Variants in NRG3 observed in about 807,000 individuals in gnomAD.
NRG3 encodes the protein neuregulin 3, also known as pro-neuregulin-3, membrane-bound isoform.
A neutral mutation model predicts 66.9 loss-of-function variants in NRG3; 31 were observed. That is an observed-to-expected ratio of 0.46 (90% CI 0.35 to 0.63). The LOEUF is 0.63. Ranked by LOEUF, NRG3 falls within the 20% of genes least tolerant of loss-of-function variation. The pLI, the probability that NRG3 is intolerant of heterozygous loss-of-function variation, is 0.00. For synonymous variants in NRG3, 393 were observed against 359.4 expected, an observed-to-expected ratio of 1.09 and a Z score of -1.06; for missense variants, 910 against 878.9, an observed-to-expected ratio of 1.04 and a Z score of -0.45.
At chr10:82,019,284 G>T (rs2061942423) in intron 1 of NRG3, among the ~76,000 whole-genome samples, 1 of 152,158 alleles carries the variant, frequency 6.6e-6, no homozygotes, top group African/African-American at 2.4e-5. Flanking sequence ...CAGGGATGAA[G>T]CCCACTTGAT....
chr10:81,959,304 T>C (rs1272272938), intron 1 of NRG3, among the ~76,000 whole-genome samples: 1 of 152,166 alleles, frequency 6.6e-6, no homozygotes, highest in Non-Finnish European at 1.5e-5. Flanking sequence ...CCCCCAAGAA[T>C]TCCCAGTCTA....
intron 3 of NRG3, among the ~76,000 whole-genome samples, chr10:82,801,642 A>G (rs2061044495): frequency 6.6e-6 from 1 of 152,232 alleles, no homozygotes. Context: ...GAATGGCAGC[A>G]GAGTCCAATG....
At chr10:81,915,181 C>T (rs1157705808) in intron 1 of NRG3, among the ~76,000 whole-genome samples, 2 of 152,136 alleles carry the variant, frequency 1.3e-5, no homozygotes, top group East Asian at 3.9e-4. Flanking sequence ...TACTGCTCCT[C>T]CCTAAAAAAA....
intron 1 of NRG3, among the ~76,000 whole-genome samples, chr10:82,349,353 G>A (rs559459760): frequency 1.4e-3 from 207 of 151,996 alleles, no homozygotes; most frequent in African/African-American, 4.8e-3. Context: ...CCCTGCTGGG[G>A]GGTGCCTCCC....
rs1183416916 is a variant in NRG3 at position 82,321,307 on chromosome 10, T to TGGG, written c.824-37429_824-37427dup. 2.5e-5 allele frequency among the ~76,000 whole-genome samples: 3 copies of TGGG among 121,228 alleles called. 1 individual carries two copies. Among genetic ancestry groups the TGGG allele is most frequent in the Non-Finnish European group, 5.6e-5 (3 of 53,768 alleles). 79.5% of individuals were successfully genotyped at this position (121,228 alleles called of 152,430 possible). On this transcript the variant is annotated intron_variant, in intron 1 of 8. Coordinates refer to ENST00000372141, the MANE Select transcript of NRG3 (RefSeq NM_001010848.4). ...ACACATCCTGTGGCAGGGGTGGGGG[T>TGGG]GGGGGTCAGGGAACTCTCCTGTTTC... is the stretch of plus-strand genomic sequence containing the variant.
At chr10:82,484,083 T>C (rs1468677881) in intron 2 of NRG3, among the ~76,000 whole-genome samples, 1 of 152,206 alleles carries the variant, frequency 6.6e-6, no homozygotes, top group Non-Finnish European at 1.5e-5. Flanking sequence ...GGCTTATTTG[T>C]TTTGCAATAA....
intron 4 of NRG3, among the ~76,000 whole-genome samples, chr10:82,946,829 T>A (rs890804529): frequency 1.1e-4 from 16 of 152,174 alleles, no homozygotes; most frequent in African/African-American, 3.9e-4. Flanking sequence ...GAATGGTTTA[T>A]GGGAGTATAA....
chr10:82,557,631 G>A (rs1292069524), intron 2 of NRG3, among the ~76,000 whole-genome samples: 1 of 151,994 alleles, frequency 6.6e-6, no homozygotes, highest in Non-Finnish European at 1.5e-5. Flanking sequence ...TCTTAAGTTA[G>A]TTCCCATTTG....
At chr10:82,913,041 C>T (rs955459392) in intron 4 of NRG3, among the ~76,000 whole-genome samples, 4 of 152,122 alleles carry the variant, frequency 2.6e-5, no homozygotes, top group Non-Finnish European at 2.9e-5. Context: ...CTGGCTAACA[C>T]GGTGAAACCC....
At chr10:82,944,798 C>G (rs1293122954) in intron 4 of NRG3, among the ~76,000 whole-genome samples, 1 of 151,992 alleles carries the variant, frequency 6.6e-6, no homozygotes, top group Non-Finnish European at 1.5e-5. Context: ...CATTTGTTCC[C>G]AACATAATTC....
At chr10:82,404,120 C>T (rs1159187261) in intron 2 of NRG3, among the ~76,000 whole-genome samples, 3 of 152,084 alleles carry the variant, frequency 2.0e-5, no homozygotes, top group Admixed American at 2.0e-4. Context: ...TTTATTCTTT[C>T]CAAGTATTTA....
intron 1 of NRG3, among the ~76,000 whole-genome samples, chr10:81,890,112 G>A (rs556563705): frequency 2.0e-5 from 3 of 152,264 alleles, no homozygotes. Flanking sequence ...AAGAGAAAAG[G>A]TCAAGTAGAC....
intron 1 of NRG3, among the ~76,000 whole-genome samples, chr10:81,914,569 AAAACAAAC>A (rs144612678): frequency 0.019 from 2,897 of 151,386 alleles, 77 homozygotes; most frequent in African/African-American, 0.063. Context: ...CCTGTTTCTG[AAAACAAAC>A]AAACAAACAA....
At chr10:82,778,455 A>G (rs1486373715) in intron 3 of NRG3, among the ~76,000 whole-genome samples, 3 of 152,170 alleles carry the variant, frequency 2.0e-5, no homozygotes, top group Admixed American at 1.3e-4. Flanking sequence ...GGGTGGCAGG[A>G]TGGAGTGAGT....
At chr10:82,583,365 C>G (rs2046475570) in intron 2 of NRG3, among the ~76,000 whole-genome samples, 1 of 152,192 alleles carries the variant, frequency 6.6e-6, no homozygotes, top group Non-Finnish European at 1.5e-5. Context: ...AAATAACTCA[C>G]TTCCTGCAGG....
intron 1 of NRG3, among the ~76,000 whole-genome samples, chr10:82,062,830 A>G (rs1317930616): frequency 6.6e-6 from 1 of 152,080 alleles, no homozygotes; most frequent in African/African-American, 2.4e-5. Flanking sequence ...CTCTTAGGAA[A>G]ATGACTGGTC....
chr10:82,185,828 TA>T (rs1321915160), intron 1 of NRG3, among the ~76,000 whole-genome samples: 1 of 152,180 alleles, frequency 6.6e-6, no homozygotes, highest in Non-Finnish European at 1.5e-5. Context: ...GGTTTTATTC[TA>T]AAAAATTAAT....
At chr10:81,982,213 T>C (rs1259439961) in intron 1 of NRG3, among the ~76,000 whole-genome samples, 2 of 152,170 alleles carry the variant, frequency 1.3e-5, no homozygotes, top group East Asian at 3.9e-4. Flanking sequence ...ATTTCTACTT[T>C]CCACAAAACA....
At chr10:82,422,421 TG>T (rs1391486990) in intron 2 of NRG3, among the ~76,000 whole-genome samples, 1 of 152,086 alleles carries the variant, frequency 6.6e-6, no homozygotes, top group Non-Finnish European at 1.5e-5. Context: ...TCTCTCTGAC[TG>T]GGAAAGCCCC....
Sources: gnomAD v4.1 joint callset for allele counts (sites outside exome capture counted in the v4.1 genomes callset) on GRCh38, gnomAD v4.1.1 for gene constraint, MANE v1.5 for transcripts, NCBI Gene and HGNC (gene_info 2026-07-23, HGNC 2026-07-21) for gene names.